The following NRG1 variants were observed in gnomAD, a reference collection of about 807,000 sequenced individuals.
NRG1 encodes the protein pro-neuregulin-1, membrane-bound isoform.
Under a neutral mutation model 63.8 loss-of-function variants are expected in NRG1, and 18 were observed. The observed-to-expected ratio is 0.28, with a 90% CI of 0.19 to 0.42. The LOEUF is 0.42. Ranked by LOEUF, NRG1 falls within the 10% of genes least tolerant of loss-of-function variation. NRG1 has a pLI of 1.00. For synonymous variants in NRG1, 302 were observed against 301.3 expected (o/e 1.00, Z -0.02); for missense variants, 762 against 814.7 (o/e 0.94, Z 0.79).
At chr8:32,253,461 G>T (rs528750094) in intron 1 of NRG1, among the ~76,000 whole-genome samples, 30 of 152,272 alleles carry the variant, frequency 2.0e-4, no homozygotes, top group African/African-American at 6.7e-4. Flanking sequence ...TGTTGTTTTT[G>T]TCATTGGTTC....
intron 1 of NRG1, among the ~76,000 whole-genome samples, chr8:31,753,379 C>T (rs999915393): frequency 2.6e-5 from 4 of 151,558 alleles, no homozygotes; most frequent in Non-Finnish European, 5.9e-5. Context: ...AATTATCCAC[C>T]CTCCCAACAT....
At chr8:32,513,188 TGTGTATGC>T (rs1465335642) in intron 1 of NRG1, among the ~76,000 whole-genome samples, 27 of 145,216 alleles carry the variant, frequency 1.9e-4, no homozygotes, top group Admixed American at 5.0e-4. Flanking sequence ...TGTGTGTGTG[TGTGTATGC>T]GTGTGTGCGT....
intron 5 of NRG1, among the ~76,000 whole-genome samples, chr8:32,642,573 T>C (rs1852629978): frequency 1.3e-5 from 2 of 152,212 alleles, no homozygotes; most frequent in African/African-American, 2.4e-5. Flanking sequence ...GAAAGTCAAC[T>C]TCAGGACATG....
chr8:32,143,267 T>C (rs958580550), intron 1 of NRG1, among the ~76,000 whole-genome samples: 3 of 152,062 alleles, frequency 2.0e-5, no homozygotes, highest in Non-Finnish European at 4.4e-5. Flanking sequence ...ATAATTCACA[T>C]GTGCTAATAT....
At chr8:31,746,522 T>C (rs531233462) in intron 1 of NRG1, among the ~76,000 whole-genome samples, 1 of 152,028 alleles carries the variant, frequency 6.6e-6, no homozygotes, top group South Asian at 2.1e-4. Context: ...TTGGAAGCAA[T>C]AGCATATTAC....
intron 1 of NRG1, among the ~76,000 whole-genome samples, chr8:32,158,723 TAC>T (rs906643023): frequency 6.6e-6 from 1 of 151,776 alleles, no homozygotes; most frequent in Non-Finnish European, 1.5e-5. Context: ...CCCAGGGACA[TAC>T]ATATAAATAG....
chr8:31,804,288 A>G (rs1822066602), intron 1 of NRG1, among the ~76,000 whole-genome samples: 1 of 152,230 alleles, frequency 6.6e-6, no homozygotes, highest in African/African-American at 2.4e-5. Flanking sequence ...GCTTTCAAGC[A>G]TCCCAGCCTG....
chr8:31,964,244 C>T (rs1335093082), intron 1 of NRG1, among the ~76,000 whole-genome samples: 2 of 152,150 alleles, frequency 1.3e-5, no homozygotes, highest in Non-Finnish European at 2.9e-5. Context: ...GTGAAACAGA[C>T]AGCTAGTGCC....
chr8:31,899,033 T>C (rs1831845388), intron 1 of NRG1, among the ~76,000 whole-genome samples: 1 of 152,196 alleles, frequency 6.6e-6, no homozygotes, highest in Admixed American at 6.5e-5. Flanking sequence ...TCAAATACAA[T>C]TTATTTTCTC....
intron 1 of NRG1, among the ~76,000 whole-genome samples, chr8:32,331,419 TA>T (rs1379509869): frequency 6.7e-6 from 1 of 149,916 alleles, no homozygotes; most frequent in Non-Finnish European, 1.5e-5. Flanking sequence ...TTGTCCTAGC[TA>T]AAGGGGAGGC....
chr8:32,175,212 C>A (rs1230431697), intron 1 of NRG1, among the ~76,000 whole-genome samples: 1 of 152,186 alleles, frequency 6.6e-6, no homozygotes, highest in Non-Finnish European at 1.5e-5. Context: ...AGCATATAAA[C>A]AGAACCAATG....
intron 1 of NRG1, among the ~76,000 whole-genome samples, chr8:31,780,233 G>A (rs1471498350): frequency 2.0e-5 from 3 of 152,178 alleles, no homozygotes; most frequent in Non-Finnish European, 4.4e-5. Context: ...GACTAAACTC[G>A]AGTTGGCAAA....
chr8:31,923,326 T>C (rs16878439), intron 1 of NRG1, among the ~76,000 whole-genome samples: 10,751 of 152,250 alleles, frequency 0.071, 474 homozygotes, highest in Admixed American at 0.13. Flanking sequence ...ACCAATATTA[T>C]GTATCTGAAA....
chr8:31,670,844 G>A (rs1807062786), intron 1 of NRG1, among the ~76,000 whole-genome samples: 1 of 151,980 alleles, frequency 6.6e-6, no homozygotes, highest in South Asian at 2.1e-4. Flanking sequence ...GCATATGCAG[G>A]TTTGTTACTT....
chr8:31,858,629 ACTGCTTGGTGGT>A (rs1300420984), intron 1 of NRG1, among the ~76,000 whole-genome samples: 3 of 152,188 alleles, frequency 2.0e-5, no homozygotes, highest in Admixed American at 6.5e-5. Context: ...GTTCATGGTC[ACTGCTTGGTGGT>A]CTGCTGCTGG....
intron 1 of NRG1, among the ~76,000 whole-genome samples, chr8:32,405,309 T>C (rs922375231): frequency 6.6e-6 from 1 of 152,232 alleles, no homozygotes; most frequent in Admixed American, 6.5e-5. Context: ...CAGATTAGGT[T>C]ATTTGCAAGT....
At chr8:31,831,333 C>T (rs1438572859) in intron 1 of NRG1, among the ~76,000 whole-genome samples, 1 of 152,080 alleles carries the variant, frequency 6.6e-6, no homozygotes, top group Non-Finnish European at 1.5e-5. Context: ...CAACTTTTGG[C>T]CTCAAGTGAT....
At chr8:31,974,715 T>C (rs1474095471) in intron 1 of NRG1, among the ~76,000 whole-genome samples, 1 of 152,188 alleles carries the variant, frequency 6.6e-6, no homozygotes, top group Non-Finnish European at 1.5e-5. Flanking sequence ...GATAATTTAG[T>C]GTGCACCTTA....
At chr8:32,014,533 G>A (rs777091598) in intron 1 of NRG1, among the ~76,000 whole-genome samples, 9 of 152,032 alleles carry the variant, frequency 5.9e-5, no homozygotes, top group East Asian at 3.9e-4. Context: ...CAAGGAACAC[G>A]TAGGTAGGGT....
Sources: allele counts gnomAD v4.1 joint callset (sites outside exome capture counted in the v4.1 genomes callset), GRCh38; gene constraint gnomAD v4.1.1; transcripts MANE v1.5; gene names NCBI Gene and HGNC (gene_info 2026-07-23, HGNC 2026-07-21).